The following CHL1 variants were observed in gnomAD, a reference collection of about 807,000 sequenced individuals.
CHL1 encodes cell adhesion molecule L1 like.
In CHL1, 96 loss-of-function variants were observed where a neutral mutation model predicts 141.9. The observed-to-expected ratio is 0.68, with a 90% CI of 0.57 to 0.80. The LOEUF is 0.80. CHL1 is among the 30% of genes least tolerant of loss of function. The pLI is 0.00. For missense variants in CHL1, 1,820 were observed against 1,457.2 expected (o/e 1.25, Z -4.05); for synonymous variants, 613 against 502.2 (o/e 1.22, Z -2.95).
chr3:351,267 A>T (rs1703231037), intron 10 of CHL1, among the ~76,000 whole-genome samples: 1 of 152,208 alleles, frequency 6.6e-6, no homozygotes, highest in Non-Finnish European at 1.5e-5. Flanking sequence ...TTCCTGAACA[A>T]ATTGTTCTCA....
intron 24 of CHL1, among the ~76,000 whole-genome samples, chr3:396,783 G>T (rs1186445314): frequency 1.3e-5 from 2 of 151,988 alleles, no homozygotes; most frequent in Non-Finnish European, 2.9e-5. Context: ...TATTCTATAG[G>T]CATGTCTTGC....
intron 3 of CHL1, among the ~76,000 whole-genome samples, chr3:324,755 T>G (rs907253361): frequency 9.2e-5 from 14 of 151,896 alleles, no homozygotes; most frequent in Admixed American, 3.3e-4. Context: ...ATCCAGTTAA[T>G]TTTTACATTT....
rs1380733720 is a variant in CHL1 at position 319,799 on chromosome 3, G to A, written c.23G>A (p.Arg8Lys). ...GCAATGGAGCCGCTTTTACTTGGAA[G>A]AGGACTAATCGTATATCTAATGTTC... MEPLLLGRGLIVYLMFLL... is the reference protein window; with the variant it reads MEPLLLGKGLIVYLMFLL... Residue 8 changes from arginine to lysine, a missense_variant, in exon 3 of 28, where the codon AGA becomes AAA. Physicochemically the swap from Arg to Lys is conservative, Grantham distance 26 (BLOSUM62 2). Transcript: ENST00000256509. 5 of 1,607,120 alleles carry A rather than the reference G, an allele frequency of 3.1e-6. No homozygotes were observed. The highest frequency in any genetic ancestry group is 4.5e-5 in the East Asian group (2 of 44,716).
intron 16 of CHL1, among the ~76,000 whole-genome samples, chr3:379,475 G>A (rs1396865690): frequency 1.3e-5 from 2 of 152,054 alleles, no homozygotes; most frequent in Non-Finnish European, 2.9e-5. Context: ...AAGTAGTCGA[G>A]CTTCAGATAA....
intron 24 of CHL1, among the ~76,000 whole-genome samples, chr3:396,750 C>T (rs1708705515): frequency 2.6e-5 from 4 of 152,106 alleles, no homozygotes; most frequent in Admixed American, 2.0e-4. Context: ...TAACTGCCCC[C>T]TTCCCGAGTT....
intron 2 of CHL1, among the ~76,000 whole-genome samples, chr3:283,136 C>A (rs1696814656): frequency 6.6e-6 from 1 of 152,164 alleles, no homozygotes; most frequent in African/African-American, 2.4e-5. Flanking sequence ...AAACACAAAC[C>A]TTTCATTTGA....
chr3:349,312 C>A (rs957254301), intron 9 of CHL1, 47 bp from the exon 10 acceptor site: 1 of 1,502,686 alleles, frequency 6.7e-7, no homozygotes, highest in African/African-American at 1.4e-5. Flanking sequence ...TTGTATTTTA[C>A]TTTCCGCTTT....
rs375257285 is a variant in CHL1, at chr3:271,634, A to G, written c.-95+26942A>G. ...TAAAGATTTGTAATTTTGAATGAAC[A>G]TTGGCATAAATAGAAAGCCAGCGCG... On this transcript the variant is annotated intron_variant, in intron 2 of 27. Coordinates refer to ENST00000256509, the MANE Select transcript of CHL1 (RefSeq NM_006614.4). 6.6e-5 allele frequency among the ~76,000 whole-genome samples: 10 copies of G among 152,350 alleles called. No individual in the cohort carries two copies. In the South Asian group the frequency reaches 1.9e-3, roughly 28 times the overall value.
chr3:267,311 T>A (rs1695243186), intron 2 of CHL1, among the ~76,000 whole-genome samples: 1 of 152,194 alleles, frequency 6.6e-6, no homozygotes, highest in African/African-American at 2.4e-5. Flanking sequence ...CAGAATTTAA[T>A]GAGAATTTGT....
intron 2 of CHL1, among the ~76,000 whole-genome samples, chr3:268,393 G>A (rs1695341358): frequency 6.6e-6 from 1 of 152,034 alleles, no homozygotes; most frequent in African/African-American, 2.4e-5. Flanking sequence ...AAATTACCCA[G>A]GCACAGTGGT....
intron 27 of CHL1, among the ~76,000 whole-genome samples, chr3:404,141 C>T (rs1018440733): frequency 4.6e-5 from 7 of 152,186 alleles, no homozygotes; most frequent in African/African-American, 7.2e-5. Flanking sequence ...AGGCTCCCCA[C>T]AGCAGGGAAA....
intron 2 of CHL1, among the ~76,000 whole-genome samples, chr3:291,095 GC>G (rs1697651777): frequency 1.3e-5 from 2 of 151,732 alleles, no homozygotes; most frequent in Non-Finnish European, 2.9e-5. Context: ...GGACTTTTTT[GC>G]TGTAAACCAG....
intron 1 of CHL1, among the ~76,000 whole-genome samples, chr3:208,410 CAGAA>C (rs924931558): frequency 5.3e-5 from 8 of 151,510 alleles, no homozygotes; most frequent in Middle Eastern, 3.2e-3. Context: ...TGAGGAGAGA[CAGAA>C]AGGAGTGTGT....
chr3:321,151 T>C (rs914471126), intron 3 of CHL1, among the ~76,000 whole-genome samples: 9 of 152,100 alleles, frequency 5.9e-5, no homozygotes, highest in Non-Finnish European at 8.8e-5. Flanking sequence ...CTTAAATTAC[T>C]TGATGTACCT....
intron 1 of CHL1, among the ~76,000 whole-genome samples, chr3:244,058 A>C (rs1422779004): frequency 6.6e-6 from 1 of 152,138 alleles, no homozygotes; most frequent in Admixed American, 6.6e-5. Flanking sequence ...CTCATTTCAC[A>C]TGTTGATGTT....
intron 8 of CHL1, 79 bp downstream of exon 8, chr3:343,110 T>C: frequency 1.8e-6 from 2 of 1,114,066 alleles, no homozygotes; most frequent in Non-Finnish European, 2.6e-6. Context: ...TTCTTTAATA[T>C]CCTCTTAAGT....
chr3:313,772 A>C (rs956907120), intron 2 of CHL1, among the ~76,000 whole-genome samples: 16 of 152,172 alleles, frequency 1.1e-4, no homozygotes, highest in African/African-American at 3.9e-4. Flanking sequence ...AACAGTCTCC[A>C]GTGGAAACAT....
intron 18 of CHL1, 66 bp from the exon 19 acceptor site, chr3:383,750 G>T: frequency 9.4e-7 from 1 of 1,069,386 alleles, no homozygotes; most frequent in Non-Finnish European, 1.4e-6. Flanking sequence ...GGGGGCAGGA[G>T]TTGTGATATG....
chr3:304,781 A>G (rs1043501879), intron 2 of CHL1, among the ~76,000 whole-genome samples: 2 of 152,036 alleles, frequency 1.3e-5, no homozygotes, highest in African/African-American at 4.8e-5. Context: ...GTCTTTTGCT[A>G]GCTTTTGAAT....
Sources: gnomAD v4.1 joint callset for allele counts (sites outside exome capture counted in the v4.1 genomes callset) on GRCh38, gnomAD v4.1.1 for gene constraint, MANE v1.5 for transcripts, NCBI Gene and HGNC (gene_info 2026-07-23, HGNC 2026-07-21) for gene names.